The following MYT1 variants were observed in gnomAD, a reference collection of about 807,000 sequenced individuals.
MYT1 encodes myelin transcription factor 1.
A neutral mutation model predicts 123.0 loss-of-function variants in MYT1; 23 were observed. The observed-to-expected ratio is 0.19, with a 90% confidence interval of 0.13 to 0.26. The LOEUF is 0.26. MYT1 is among the 10% of genes least tolerant of loss of function. The probability of loss-of-function intolerance (pLI) is 1.00; values close to 1 mark genes in which losing one functional copy is unlikely to be tolerated. For synonymous variants in MYT1, 518 were observed against 575.3 expected (o/e 0.90, Z 1.43); for missense variants, 1,125 against 1,472.5 (o/e 0.76, Z 3.86).
intron 1 of MYT1, among the ~76,000 whole-genome samples, chr20:64,165,804 G>A (rs1247599829): frequency 6.6e-6 from 1 of 152,182 alleles, no homozygotes; most frequent in Non-Finnish European, 1.5e-5. Flanking sequence ...TTTGGGAGAG[G>A]TCGGTGGAGA....
intron 19 of MYT1, among the ~76,000 whole-genome samples, chr20:64,235,854 GGCCGTGGTGGGT>G (rs1984515213): frequency 7.4e-6 from 1 of 135,630 alleles, no homozygotes; most frequent in Non-Finnish European, 1.6e-5. Context: ...ACCCTGGGCT[GGCCGTGGTGGGT>G]GACGCTGGGA....
intron 6 of MYT1, among the ~76,000 whole-genome samples, chr20:64,206,048 G>A (rs1469147227): frequency 5.9e-5 from 9 of 152,224 alleles, no homozygotes; most frequent in Middle Eastern, 3.4e-3. Flanking sequence ...CAGAGACACG[G>A]GGCTGGTGTG....
At position 64,218,711 on chromosome 20, in the gene MYT1, G is replaced by C. The variant is rs9679862; in HGVS notation, c.1847-200G>C. On this transcript the variant is annotated intron_variant, in intron 11 of 22. Coordinates refer to ENST00000328439, the MANE Select transcript of MYT1 (RefSeq NM_004535.3). This position sits in a 1 kb window ranked among gnomAD's most constrained non-coding sequence, Gnocchi z 4.0. Reference sequence around the variant, plus strand: ...GGTGGCCAAGCCCCTGGCCCACTTCGATATAGCTGTGCCCTGGGCCCTCCC... The same window carrying C: ...GGTGGCCAAGCCCCTGGCCCACTTCCATATAGCTGTGCCCTGGGCCCTCCC... 4 of 701,606 alleles carry C rather than the reference G, an allele frequency of 5.7e-6. No homozygotes were observed. The highest frequency in any genetic ancestry group is 5.2e-5 in the South Asian group (3 of 58,214). 43.5% of individuals were successfully genotyped at this position (701,606 alleles called of 1,614,324 possible). A position where few individuals can be genotyped will look rare whatever the true frequency, so the allele number is the denominator to read the frequency against.
intron 16 of MYT1, 57 bp from the exon 17 acceptor site, chr20:64,227,358 T>C: frequency 6.4e-7 from 1 of 1,567,674 alleles, no homozygotes; most frequent in East Asian, 2.3e-5. Flanking sequence ...CCCAGGGCTC[T>C]GGGCCGGGGC....
intron 10 of MYT1, among the ~76,000 whole-genome samples, chr20:64,216,733 T>C (rs1983849380): frequency 2.0e-5 from 3 of 152,236 alleles, no homozygotes; most frequent in Admixed American, 6.5e-5. Flanking sequence ...GCAGCTGAGC[T>C]GTTTGAAACC....
At chr20:64,176,555 T>A (rs974813364) in intron 1 of MYT1, among the ~76,000 whole-genome samples, 7 of 141,756 alleles carry the variant, frequency 4.9e-5, no homozygotes, top group African/African-American at 1.7e-4. Flanking sequence ...GTCCCCACTC[T>A]GGGTTCCTTG....
chr20:64,239,987 C>G (rs1307808572), intron 22 of MYT1, 84 bp downstream of exon 22: 7 of 1,552,506 alleles, frequency 4.5e-6, no homozygotes, highest in Non-Finnish European at 4.4e-6. Context: ...TCTCCCACCC[C>G]CTCTGCCTCT....
chr20:64,228,266 C>G (rs1984227825), intron 18 of MYT1, among the ~76,000 whole-genome samples: 1 of 152,204 alleles, frequency 6.6e-6, no homozygotes, highest in Non-Finnish European at 1.5e-5. Context: ...ACCCTTCTAC[C>G]TATGTCTTAG....
At position 64,189,508 on chromosome 20, in the gene MYT1, C is replaced by T. The variant is rs1056283100; in HGVS notation, c.-98-555C>T. On this transcript the variant is annotated intron_variant, in intron 1 of 22. Coordinates refer to ENST00000328439, the MANE Select transcript of MYT1 (RefSeq NM_004535.3). This position sits in a 1 kb window ranked among gnomAD's most constrained non-coding sequence, Gnocchi z 5.5. The stretch of plus-strand genomic sequence containing the variant: ...AGATGCTGGAAACCAGGGCAAAGAG[C>T]ATGCTGGGGCCCCCGGGATCCTGCG... 6.6e-6 allele frequency among the ~76,000 whole-genome samples: 1 copy of T among 152,224 alleles called. No homozygotes were observed. Among genetic ancestry groups the T allele is most frequent in the Non-Finnish European group, 1.5e-5 (1 of 68,038 alleles).
At chr20:64,205,447 T>C in intron 5 of MYT1, 106 bp from the exon 6 acceptor site, 1 of 1,502,280 alleles carries the variant, frequency 6.7e-7, no homozygotes. Context: ...TGGATGAGTC[T>C]GTGGGGAAGG....
chr20:64,180,137 A>G (rs1982606678), intron 1 of MYT1, among the ~76,000 whole-genome samples: 1 of 151,544 alleles, frequency 6.6e-6, no homozygotes, highest in Non-Finnish European at 1.5e-5. Flanking sequence ...TACATGCTAC[A>G]CACACGCTAC....
intron 19 of MYT1, among the ~76,000 whole-genome samples, chr20:64,235,245 T>G (rs1474825670): frequency 5.9e-4 from 21 of 35,484 alleles, no homozygotes; most frequent in South Asian, 4.4e-3. Flanking sequence ...GGCCGTGGTA[T>G]GTGACCCCGG....
intron 16 of MYT1, among the ~76,000 whole-genome samples, 188 bp from the exon 17 acceptor site, chr20:64,227,227 A>G (rs1450234105): frequency 6.6e-6 from 1 of 152,236 alleles, no homozygotes; most frequent in African/African-American, 2.4e-5. Flanking sequence ...AGATGATCGC[A>G]TCAGACCCCT....
intron 4 of MYT1, among the ~76,000 whole-genome samples, chr20:64,201,264 TA>T (rs540008601): frequency 4.7e-4 from 71 of 152,216 alleles, no homozygotes; most frequent in Non-Finnish European, 8.1e-4. Context: ...TGTTCGTTTT[TA>T]AACATTCTGA....
intron 2 of MYT1, among the ~76,000 whole-genome samples, chr20:64,194,809 C>G (rs111638152): frequency 3.7e-4 from 56 of 152,296 alleles, no homozygotes; most frequent in African/African-American, 1.3e-3. Flanking sequence ...AATCTCCAAC[C>G]CTGATATCTT....
chr20:64,223,478 C>G (rs1984072998), intron 16 of MYT1, 119 bp downstream of exon 16: 2 of 1,162,256 alleles, frequency 1.7e-6, no homozygotes, highest in Admixed American at 3.4e-5. Flanking sequence ...CTGGCCCCAG[C>G]TCTCCTGAGA....
chr20:64,222,135 G>A, intron 14 of MYT1, 88 bp downstream of exon 14: 1 of 1,473,646 alleles, frequency 6.8e-7, no homozygotes, highest in Non-Finnish European at 9.3e-7. Context: ...ATGACGACCG[G>A]GTCTGCTCAG....
In MYT1 at chr20:64,207,970, A is replaced by AGAGGAGGACGAGGAGGAGGAG. The variant is rs1366770927; in HGVS notation, c.783_803dup (p.Asp261_Glu267dup). On this transcript the variant is annotated inframe_insertion, in exon 7 of 23. Transcript: ENST00000328439. ...AGCAGAAAGGCATCCTGAGTCACGA[A>AGAGGAGGACGAGGAGGAGGAG]GAGGAGGACGAGGAGGAGGAGGAGG... 1.9e-6 allele frequency: 3 copies of AGAGGAGGACGAGGAGGAGGAG among 1,605,926 alleles called. No homozygotes were observed. The East Asian group carries it at 6.7e-5, about 36-fold the overall frequency.
chr20:64,195,088 T>C (rs891188933), intron 2 of MYT1, among the ~76,000 whole-genome samples: 1 of 151,370 alleles, frequency 6.6e-6, no homozygotes, highest in African/African-American at 2.4e-5. Flanking sequence ...TAGAGTCAGG[T>C]TTCACCATGC....
Sources: allele counts gnomAD v4.1 joint callset (sites outside exome capture counted in the v4.1 genomes callset), GRCh38; gene constraint gnomAD v4.1.1; non-coding constraint Gnocchi (gnomAD v3.1); transcripts MANE v1.5; gene names NCBI Gene and HGNC (gene_info 2026-07-23, HGNC 2026-07-21).